Variants in TAFA1 observed in about 807,000 individuals in gnomAD.
TAFA1 encodes the protein TAFA chemokine like family member 1, also known as chemokine-like protein TAFA-1.
In TAFA1, 4 loss-of-function variants were observed where a neutral mutation model predicts 18.5. The observed-to-expected ratio is 0.22, with a 90% CI of 0.11 to 0.49. TAFA1 has a LOEUF of 0.49. Ranked by LOEUF, TAFA1 falls within the 20% of genes least tolerant of loss-of-function variation. The pLI, the probability that TAFA1 is intolerant of heterozygous loss-of-function variation, is 0.98. For synonymous variants in TAFA1, 56 were observed against 55.2 expected (o/e 1.01, Z -0.06); for missense variants, 147 against 169.0 (o/e 0.87, Z 0.72).
chr3:68,348,095 T>C (rs1055177822), intron 2 of TAFA1, among the ~76,000 whole-genome samples: 2 of 152,140 alleles, frequency 1.3e-5, no homozygotes, highest in African/African-American at 2.4e-5. Context: ...AAGGGGTTAT[T>C]GAAAAGGTAA....
chr3:68,080,963 A>G (rs1179600882), intron 2 of TAFA1, among the ~76,000 whole-genome samples: 1 of 152,054 alleles, frequency 6.6e-6, no homozygotes, highest in Non-Finnish European at 1.5e-5. Context: ...TCAGACGTAG[A>G]TTTGGTCTTT....
Position 68,299,855 on chromosome 3 carries a change from G to A in TAFA1, c.119-117425G>A, listed in dbSNP as rs988354668. 3.3e-5 allele frequency among the ~76,000 whole-genome samples: 5 copies of A among 152,218 alleles called. No homozygotes were observed. In the South Asian group the frequency reaches 6.2e-4, roughly 19 times the overall value. On this transcript the variant is annotated intron_variant, in intron 2 of 4. Coordinates refer to ENST00000478136, the MANE Select transcript of TAFA1 (RefSeq NM_213609.4). The stretch of plus-strand genomic sequence containing the variant: ...CAAGCCTTGGTGGCTTATTTGTGTT[G>A]TTGGGCTTGTAGGTACACAAAAGTC...
intron 2 of TAFA1, among the ~76,000 whole-genome samples, chr3:68,098,210 G>T (rs904846654): frequency 1.3e-5 from 2 of 151,764 alleles, no homozygotes; most frequent in African/African-American, 4.8e-5. Context: ...ATCAAATGGG[G>T]GAAAAAAAGC....
At chr3:68,205,676 T>G (rs890407292) in intron 2 of TAFA1, among the ~76,000 whole-genome samples, 1 of 151,792 alleles carries the variant, frequency 6.6e-6, no homozygotes, top group African/African-American at 2.4e-5. Flanking sequence ...TGAATTTCCA[T>G]AGAAATAGAC....
At chr3:68,376,164 C>G (rs753142957) in intron 2 of TAFA1, among the ~76,000 whole-genome samples, 6 of 151,944 alleles carry the variant, frequency 3.9e-5, no homozygotes, top group Non-Finnish European at 5.9e-5. Context: ...TATTCTTGAG[C>G]TGAAAAGGGA....
chr3:68,088,895 T>C (rs2065000972), intron 2 of TAFA1, among the ~76,000 whole-genome samples: 1 of 152,114 alleles, frequency 6.6e-6, no homozygotes, highest in African/African-American at 2.4e-5. Flanking sequence ...ACATTCTGGC[T>C]CTATGTAATG....
chr3:68,094,167 AT>A (rs1338277724), intron 2 of TAFA1, among the ~76,000 whole-genome samples: 2 of 152,136 alleles, frequency 1.3e-5, no homozygotes, highest in Non-Finnish European at 2.9e-5. Flanking sequence ...AATATAAAAA[AT>A]ATACCAGTTT....
At chr3:68,324,643 G>A (rs576274353) in intron 2 of TAFA1, among the ~76,000 whole-genome samples, 23 of 152,196 alleles carry the variant, frequency 1.5e-4, no homozygotes, top group African/African-American at 2.4e-4. Context: ...TTGCCATTAC[G>A]AAACACAAAG....
chr3:68,510,752 A>T (rs572406819), intron 3 of TAFA1, among the ~76,000 whole-genome samples: 53 of 152,256 alleles, frequency 3.5e-4, no homozygotes, highest in Admixed American at 7.9e-4. Context: ...TTTGACTCCC[A>T]ATTCAATTTC....
chr3:68,415,715 C>A (rs2070821362), intron 2 of TAFA1, among the ~76,000 whole-genome samples: 1 of 151,876 alleles, frequency 6.6e-6, no homozygotes, highest in Non-Finnish European at 1.5e-5. Context: ...CGGCACTAAC[C>A]CCTTTACATG....
chr3:68,325,790 C>G (rs965777157), intron 2 of TAFA1, among the ~76,000 whole-genome samples: 5 of 152,058 alleles, frequency 3.3e-5, no homozygotes, highest in African/African-American at 1.2e-4. Context: ...TTATTCAGTT[C>G]CCATAACTCT....
At chr3:68,178,610 C>G (rs1016567039) in intron 2 of TAFA1, among the ~76,000 whole-genome samples, 4 of 152,136 alleles carry the variant, frequency 2.6e-5, no homozygotes, top group Non-Finnish European at 4.4e-5. Flanking sequence ...GAAAGATACT[C>G]CAGGCTAAAA....
At chr3:68,481,166 T>G (rs1169138753) in intron 3 of TAFA1, among the ~76,000 whole-genome samples, 1 of 152,234 alleles carries the variant, frequency 6.6e-6, no homozygotes, top group African/African-American at 2.4e-5. Context: ...ACATACATTG[T>G]TGACTTTCAA....
In TAFA1 at chr3:68,249,585, C is replaced by CA. The variant is rs933752316; in HGVS notation, c.119-167687dup. 4.0e-5 allele frequency among the ~76,000 whole-genome samples: 6 copies of CA among 151,212 alleles called. No homozygotes were observed. The South Asian group carries it at 8.4e-4, about 21-fold the overall frequency. Reference sequence around the variant, plus strand: ...AAAAGGGGAATGGCTGCTCAGGAGGCAAAAAAAACTTGGGTACCCTCCACC... The same window carrying CA: ...AAAAGGGGAATGGCTGCTCAGGAGGCAAAAAAAAACTTGGGTACCCTCCACC... On this transcript the variant is annotated intron_variant, in intron 2 of 4. Transcript: ENST00000478136.
chr3:68,057,190 T>A (rs1219443475), intron 2 of TAFA1, among the ~76,000 whole-genome samples: 1 of 152,212 alleles, frequency 6.6e-6, no homozygotes, highest in African/African-American at 2.4e-5. Context: ...TAGAAACTCA[T>A]AGTTTGTAGA....
intron 2 of TAFA1, among the ~76,000 whole-genome samples, chr3:68,392,513 A>G (rs1575828812): frequency 6.6e-6 from 1 of 151,968 alleles, no homozygotes; most frequent in East Asian, 1.9e-4. Context: ...AAGCAGAACT[A>G]ATAGACATCT....
At chr3:68,068,110 G>A (rs550534344) in intron 2 of TAFA1, among the ~76,000 whole-genome samples, 1 of 152,238 alleles carries the variant, frequency 6.6e-6, no homozygotes, top group Admixed American at 6.5e-5. Context: ...CTGGCTTTGG[G>A]CATTGTTGAC....
At chr3:68,364,752 T>C (rs2069534030) in intron 2 of TAFA1, among the ~76,000 whole-genome samples, 1 of 152,226 alleles carries the variant, frequency 6.6e-6, no homozygotes, top group Admixed American at 6.5e-5. Context: ...CCTTCATATG[T>C]GCCAGGCAGA....
chr3:68,074,104 A>T (rs1439233949), intron 2 of TAFA1, among the ~76,000 whole-genome samples: 1 of 152,200 alleles, frequency 6.6e-6, no homozygotes, highest in Non-Finnish European at 1.5e-5. Context: ...ACAGATCATC[A>T]GGCATTAGAT....
Sources: gnomAD v4.1 joint callset for allele counts (sites outside exome capture counted in the v4.1 genomes callset) on GRCh38, gnomAD v4.1.1 for gene constraint, MANE v1.5 for transcripts, NCBI Gene and HGNC (gene_info 2026-07-23, HGNC 2026-07-21) for gene names.